PHF24: variants seen among roughly 807,000 people sequenced by gnomAD.
PHF24 encodes Galpha inhibitory interacting protein.
PHF24 carries 25 observed loss-of-function variants against 42.6 expected under a neutral mutation model. The observed-to-expected ratio is 0.59, with a 90% CI of 0.43 to 0.82. The LOEUF is 0.82. Among genes scored for constraint, PHF24 ranks in the 40% least tolerant of loss-of-function variants. The pLI is 0.00. For missense variants in PHF24, 470 were observed against 538.1 expected (o/e 0.87, Z 1.25); for synonymous variants, 185 against 204.8 (o/e 0.90, Z 0.83).
At chr9:34,957,297 A>C (rs1365524627), upstream of PHF24, among the ~76,000 whole-genome samples, 1 of 152,240 alleles carries the variant, frequency 6.6e-6, no homozygotes, top group Non-Finnish European at 1.5e-5. Flanking sequence ...AGGTAAATAA[A>C]TTGAATGCAC....
chr9:34,975,101 G>A (rs74952512), intron 3 of PHF24, among the ~76,000 whole-genome samples: 4,018 of 152,166 alleles, frequency 0.026, 201 homozygotes, highest in African/African-American at 0.092. Flanking sequence ...ATCTGACCAC[G>A]GCACTCCCCA....
At chr9:34,728,847 C>T in the PHF24 span, among the ~76,000 whole-genome samples, 1 of 152,196 alleles carries the variant, frequency 6.6e-6, no homozygotes. Context: ...TTTGGATTCA[C>T]TTGGAGGCTT....
At chr9:34,799,711 G>A in the PHF24 span, among the ~76,000 whole-genome samples, 1 of 152,088 alleles carries the variant, frequency 6.6e-6, no homozygotes, top group African/African-American at 2.4e-5. Context: ...CTCTTATATA[G>A]AAACATGAAA....
At chr9:34,954,252 G>A (rs1019566959), upstream of PHF24, among the ~76,000 whole-genome samples, 2 of 152,192 alleles carry the variant, frequency 1.3e-5, no homozygotes, top group African/African-American at 4.8e-5. Context: ...CTTTACTTCA[G>A]GACACACTGT....
the PHF24 span, among the ~76,000 whole-genome samples, chr9:34,789,010 G>A: frequency 6.6e-6 from 1 of 152,172 alleles, no homozygotes; most frequent in Non-Finnish European, 1.5e-5. Flanking sequence ...TTCTGAGGTG[G>A]CAGTAATGAG....
At chr9:34,689,751 T>C in the PHF24 span, 12 of 1,590,260 alleles carry the variant, frequency 7.5e-6, no homozygotes, top group African/African-American at 1.5e-4. The surrounding 1 kb of genome is among the most constrained non-coding windows in gnomAD (Gnocchi z 4.1). Context: ...TGGTCCTCGG[T>C]TCCCCAGGTT....
chr9:34,781,434 A>G, the PHF24 span, among the ~76,000 whole-genome samples: 1 of 152,198 alleles, frequency 6.6e-6, no homozygotes, highest in African/African-American at 2.4e-5. Flanking sequence ...AGATAACCTA[A>G]TGGTTTGGAG....
the PHF24 span, among the ~76,000 whole-genome samples, chr9:34,832,077 C>T: frequency 6.6e-6 from 1 of 152,130 alleles, no homozygotes; most frequent in East Asian, 1.9e-4. Context: ...CTTCCCTTAA[C>T]ACAATACAGT....
At chr9:34,713,107 T>A in the PHF24 span, among the ~76,000 whole-genome samples, 1 of 152,224 alleles carries the variant, frequency 6.6e-6, no homozygotes, top group African/African-American at 2.4e-5. Context: ...AACTCTGCCA[T>A]CAATTTGTGG....
At chr9:34,759,758 A>G in the PHF24 span, among the ~76,000 whole-genome samples, 1 of 152,064 alleles carries the variant, frequency 6.6e-6, no homozygotes, top group Admixed American at 6.5e-5. Flanking sequence ...CAGATAACCT[A>G]CAGCCACTGC....
At chr9:34,885,799 TATC>T in the PHF24 span, among the ~76,000 whole-genome samples, 2,804 of 152,050 alleles carry the variant, frequency 0.018, 101 homozygotes, top group African/African-American at 0.064. Flanking sequence ...GCTGCACAGA[TATC>T]AGCAGCAGGC....
the PHF24 span, chr9:34,690,017 G>A: frequency 1.9e-6 from 3 of 1,613,996 alleles, no homozygotes; most frequent in Non-Finnish European, 2.5e-6. Flanking sequence ...CCCTCAGTGT[G>A]GTGAACCTGG....
the PHF24 span, among the ~76,000 whole-genome samples, chr9:34,949,677 G>C: frequency 2.0e-5 from 3 of 152,138 alleles, no homozygotes; most frequent in Non-Finnish European, 4.4e-5. Flanking sequence ...CCATAAAAAA[G>C]AATGAGTTCG....
At chr9:34,821,867 TTTC>T in the PHF24 span, among the ~76,000 whole-genome samples, 1 of 152,220 alleles carries the variant, frequency 6.6e-6, no homozygotes, top group Admixed American at 6.5e-5. Flanking sequence ...GTATCTAAGA[TTTC>T]TTAACCAGCT....
chr9:34,824,250 GGCT>G, the PHF24 span, among the ~76,000 whole-genome samples: 1 of 152,226 alleles, frequency 6.6e-6, no homozygotes, highest in East Asian at 1.9e-4. Flanking sequence ...CTGGGGGCAT[GGCT>G]GTTCCTGGGT....
the PHF24 span, among the ~76,000 whole-genome samples, chr9:34,766,828 G>A: frequency 5.9e-5 from 9 of 152,060 alleles, no homozygotes; most frequent in East Asian, 3.9e-4. Flanking sequence ...CCATCTTTGC[G>A]GTTTTATCTA....
At chr9:34,696,658 C>T in the PHF24 span, among the ~76,000 whole-genome samples, 1 of 152,032 alleles carries the variant, frequency 6.6e-6, no homozygotes. Context: ...GGAATAAAGG[C>T]ACTGTTGGGA....
At chr9:34,787,188 T>C in the PHF24 span, among the ~76,000 whole-genome samples, 1 of 152,174 alleles carries the variant, frequency 6.6e-6, no homozygotes, top group Admixed American at 6.5e-5. Flanking sequence ...AGTTATCTTA[T>C]GGAATTTAGC....
At chr9:34,976,472 GTGA>G in intron 4 of PHF24, 60 bp from the exon 5 acceptor site, 2 of 1,544,232 alleles carry the variant, frequency 1.3e-6, no homozygotes, top group South Asian at 2.4e-5. Context: ...TGCCCTGGAG[GTGA>G]TGGAGGTGCC....
Sources: allele counts gnomAD v4.1 joint callset (sites outside exome capture counted in the v4.1 genomes callset), GRCh38; gene constraint gnomAD v4.1.1; non-coding constraint Gnocchi (gnomAD v3.1); transcripts MANE v1.5; gene names NCBI Gene and HGNC (gene_info 2026-07-23, HGNC 2026-07-21).